The following DENND2A variants were observed in gnomAD, a reference collection of about 807,000 sequenced individuals.
DENND2A encodes the protein DENN domain-containing protein 2A.
A neutral mutation model predicts 105.3 loss-of-function variants in DENND2A; 53 were observed. That is an observed-to-expected ratio of 0.50 (90% CI 0.40 to 0.63). The LOEUF (loss-of-function observed/expected upper bound fraction) is 0.63, where lower values mean the gene tolerates loss of function less well. DENND2A is among the 30% of genes least tolerant of loss of function. The pLI, the probability that DENND2A is intolerant of heterozygous loss-of-function variation, is 0.00. For missense variants in DENND2A, 1,138 were observed against 1,279.6 expected, an observed-to-expected ratio of 0.89 and a Z score of 1.69; for synonymous variants, 522 against 508.4, an observed-to-expected ratio of 1.03 and a Z score of -0.36.
intron 13 of DENND2A, among the ~76,000 whole-genome samples, chr7:140,545,786 G>A (rs1038040767): frequency 3.9e-5 from 6 of 152,160 alleles, no homozygotes; most frequent in Non-Finnish European, 5.9e-5. Context: ...TGAGCAGAGA[G>A]TGGATTTCAC....
At position 140,561,686 on chromosome 7, in the gene DENND2A, TG is replaced by T. The variant is rs370115011; in HGVS notation, c.1780-1870del. Reference sequence around the variant, plus strand: ...ACCTAGCTATTTTTTTTTTTTTTTTTGTATTTTCAGTAGAGACAGGGTTTCA... The same window carrying T: ...ACCTAGCTATTTTTTTTTTTTTTTTTTATTTTCAGTAGAGACAGGGTTTCA... On this transcript the variant is annotated intron_variant, in intron 9 of 19. Transcript: ENST00000496613. Among the ~76,000 whole-genome samples, 546 of 59,710 alleles carry T rather than the reference TG, an allele frequency of 9.1e-3. 9 individuals are homozygous for T. The highest frequency in any genetic ancestry group is 0.014 in the East Asian group (17 of 1,224). The allele number at this position is 59,710 out of a possible 152,430, so 39.2% of individuals were successfully genotyped here. A position where few individuals can be genotyped will look rare whatever the true frequency, so the allele number is the denominator to read the frequency against.
At chr7:140,619,513 T>G (rs955111240) in intron 1 of DENND2A, among the ~76,000 whole-genome samples, 1 of 151,304 alleles carries the variant, frequency 6.6e-6, no homozygotes, top group Non-Finnish European at 1.5e-5. Context: ...TTTTTTTTTT[T>G]GAGATGGAGT....
intron 18 of DENND2A, among the ~76,000 whole-genome samples, chr7:140,519,935 CATA>C (rs1434558785): frequency 6.6e-6 from 1 of 152,164 alleles, no homozygotes; most frequent in East Asian, 1.9e-4. Context: ...AAAGCCACCT[CATA>C]GATGAAATCC....
At chr7:140,632,864 CT>C (rs1158154967) in intron 1 of DENND2A, among the ~76,000 whole-genome samples, 1,256 of 117,204 alleles carry the variant, frequency 0.011, 14 homozygotes, top group African/African-American at 0.033. Flanking sequence ...CATGCCTGGC[CT>C]TTTTTTTTTT....
chr7:140,629,340 C>T (rs1281979685), intron 1 of DENND2A, among the ~76,000 whole-genome samples: 6 of 152,140 alleles, frequency 3.9e-5, no homozygotes, highest in Non-Finnish European at 1.5e-5. Flanking sequence ...AAAGAGGTAG[C>T]GCCTGGTGGC....
rs915698637 is a variant in DENND2A at position 140,555,987 on chromosome 7, C to CA, written c.1960-275dup. 1.5e-4 allele frequency among the ~76,000 whole-genome samples: 22 copies of CA among 150,830 alleles called. No individual in the cohort carries two copies. The East Asian group carries it at 1.6e-3, about 11-fold the overall frequency. On this transcript the variant is annotated intron_variant, in intron 11 of 19. Coordinates refer to ENST00000496613, the MANE Select transcript of DENND2A (RefSeq NM_015689.5). Reference sequence around the variant, plus strand: ...ACTCAGTTTTAAGCTAATTTTCAAACAAAAAAAAATCAATCTCAATACTTT... The same window carrying CA: ...ACTCAGTTTTAAGCTAATTTTCAAACAAAAAAAAAATCAATCTCAATACTTT...
In DENND2A at chr7:140,531,822, AAAC is replaced by A. The variant is rs60323045; in HGVS notation, c.2328-4330_2328-4328del. 3.9e-4 allele frequency among the ~76,000 whole-genome samples: 57 copies of A among 146,888 alleles called. 1 individual carries two copies. The South Asian group carries it at 9.7e-3, about 25-fold the overall frequency. ...AAACGCGAAACTCTGTCTCAAAGGAAAACAACAACAACAACAACAACAAAACAA... is the reference window on the plus strand; with the variant it reads ...AAACGCGAAACTCTGTCTCAAAGGAAAACAACAACAACAACAACAAAACAA... On this transcript the variant is annotated intron_variant, in intron 14 of 19. Coordinates refer to ENST00000496613, the MANE Select transcript of DENND2A (RefSeq NM_015689.5).
intron 12 of DENND2A, among the ~76,000 whole-genome samples, chr7:140,549,117 A>C (rs1797017364): frequency 6.6e-6 from 1 of 151,572 alleles, no homozygotes; most frequent in Non-Finnish European, 1.5e-5. Context: ...TCCCAGATAC[A>C]TGGGAGGCTG....
Position 140,612,330 on chromosome 7 carries a change from C to T in DENND2A, c.-247-6524G>A, listed in dbSNP as rs558300218. 9.9e-5 allele frequency among the ~76,000 whole-genome samples: 15 copies of T among 151,778 alleles called. No homozygotes were observed. The East Asian group carries it at 1.5e-3, about 16-fold the overall frequency. On this transcript the variant is annotated intron_variant, in intron 1 of 19. Transcript: ENST00000496613. Reference sequence around the variant, plus strand: ...AATTATGTAAGTACAGTGTATATTCCGTGAAAAAAATAAGATATATGCGCA... The same window carrying T: ...AATTATGTAAGTACAGTGTATATTCTGTGAAAAAAATAAGATATATGCGCA...
At position 140,522,102 on chromosome 7, in the gene DENND2A, TGAGTAA is replaced by T. The variant is rs1795882530; in HGVS notation, c.2666-8_2666-3del. The T allele has an allele frequency of 2.5e-6, 4 of 1,613,716 alleles. No homozygotes were observed. The highest frequency in any genetic ancestry group is 3.4e-6 in the Non-Finnish European group (4 of 1,179,906). On this transcript the variant is annotated splice_region_variant and splice_polypyrimidine_tract_variant and intron_variant, in intron 17 of 19. Transcript: ENST00000496613. ...CGTTCAAGGGGCTGGACTCTGGACCTGAGTAAGGGGAGGAAAGGCCAGGAACGGTGA... is the reference window on the plus strand; with the variant it reads ...CGTTCAAGGGGCTGGACTCTGGACCTGGGGAGGAAAGGCCAGGAACGGTGA...
At chr7:140,582,908 A>G (rs1798602094) in intron 5 of DENND2A, among the ~76,000 whole-genome samples, 1 of 152,082 alleles carries the variant, frequency 6.6e-6, no homozygotes, top group Non-Finnish European at 1.5e-5. Context: ...GAATATATAC[A>G]TTTTTCTTTC....
At chr7:140,524,598 A>G (rs1795982288) in intron 16 of DENND2A, among the ~76,000 whole-genome samples, 1 of 151,878 alleles carries the variant, frequency 6.6e-6, no homozygotes, top group African/African-American at 2.4e-5. Flanking sequence ...TTCTTCAGGA[A>G]AGGGTTTCAC....
chr7:140,573,738 C>T (rs1432128004), intron 6 of DENND2A, 70 bp downstream of exon 6: 1 of 1,526,180 alleles, frequency 6.6e-7, no homozygotes, highest in Non-Finnish European at 8.9e-7. Flanking sequence ...CCACCCAGAC[C>T]CCTCTGCAGT....
At chr7:140,553,001 C>T (rs574522321) in intron 12 of DENND2A, among the ~76,000 whole-genome samples, 2 of 151,998 alleles carry the variant, frequency 1.3e-5, no homozygotes, top group South Asian at 4.2e-4. Flanking sequence ...GTGGGTTGCC[C>T]CTCCACACCT....
chr7:140,534,126 C>T (rs993848809), intron 14 of DENND2A, among the ~76,000 whole-genome samples: 3 of 136,832 alleles, frequency 2.2e-5, no homozygotes, highest in Non-Finnish European at 4.7e-5. Context: ...GCTCTGGCAC[C>T]CAGGCTGGAG....
Position 140,640,301 on chromosome 7 carries a change from G to C in DENND2A, c.-248+203C>G, listed in dbSNP as rs1801148051. ...CGTCCGGGCTCAGTCCTGGGAGTCA[G>C]CCCGAGCCCGGGAGGAACGCCTGGA... is the stretch of plus-strand genomic sequence containing the variant. On this transcript the variant is annotated intron_variant, in intron 1 of 19. Transcript: ENST00000496613. This position sits in a 1 kb window ranked among gnomAD's most constrained non-coding sequence, Gnocchi z 4.9. The C allele has an allele frequency of 6.6e-6, 1 of 152,266 alleles. No homozygotes were observed. Among genetic ancestry groups the C allele is most frequent in the Non-Finnish European group, 1.5e-5 (1 of 68,090 alleles). 9.4% of individuals were successfully genotyped at this position (152,266 alleles called of 1,614,324 possible). A position where few individuals can be genotyped will look rare whatever the true frequency, so the allele number is the denominator to read the frequency against.
chr7:140,622,504 C>T (rs1338514761), intron 1 of DENND2A, among the ~76,000 whole-genome samples: 1 of 152,098 alleles, frequency 6.6e-6, no homozygotes, highest in Non-Finnish European at 1.5e-5. Context: ...TTTTCACAGC[C>T]CCTCCTCCTC....
chr7:140,617,699 G>A (rs1230959006), intron 1 of DENND2A, among the ~76,000 whole-genome samples: 1 of 152,178 alleles, frequency 6.6e-6, no homozygotes, highest in Non-Finnish European at 1.5e-5. Flanking sequence ...GGGTGACAGA[G>A]TGAGACCCTG....
At chr7:140,561,891 T>G (rs60480710) in intron 9 of DENND2A, among the ~76,000 whole-genome samples, 5,579 of 151,878 alleles carry the variant, frequency 0.037, 340 homozygotes, top group African/African-American at 0.13. Context: ...CCACTTTATT[T>G]ATTTATTTAT....
Sources: allele counts gnomAD v4.1 joint callset (sites outside exome capture counted in the v4.1 genomes callset), GRCh38; gene constraint gnomAD v4.1.1; non-coding constraint Gnocchi (gnomAD v3.1); transcripts MANE v1.5; gene names NCBI Gene and HGNC (gene_info 2026-07-23, HGNC 2026-07-21).